Variants in CDH4 observed in about 807,000 individuals in gnomAD.
CDH4 encodes the protein cadherin 4.
CDH4 carries 33 observed loss-of-function variants against 86.0 expected under a neutral mutation model. The ratio of observed to expected loss-of-function variants is 0.38; its 90% CI spans 0.29 to 0.51. The LOEUF (loss-of-function observed/expected upper bound fraction) is 0.51, where lower values mean the gene tolerates loss of function less well. CDH4 is among the 20% of genes least tolerant of loss of function. The pLI, the probability that CDH4 is intolerant of heterozygous loss-of-function variation, is 0.86. For missense variants in CDH4, 1,114 were observed against 1,307.4 expected (o/e 0.85, Z 2.28); for synonymous variants, 555 against 549.4 (o/e 1.01, Z -0.14).
chr20:61,460,767 G>C (rs1041172061), intron 2 of CDH4, among the ~76,000 whole-genome samples: 2 of 152,218 alleles, frequency 1.3e-5, no homozygotes, highest in Non-Finnish European at 2.9e-5. Flanking sequence ...GTTGAACTTG[G>C]CTTCAGGGTG....
chr20:61,673,952 G>T (rs1286003018), intron 2 of CDH4, among the ~76,000 whole-genome samples: 1 of 152,196 alleles, frequency 6.6e-6, no homozygotes, highest in African/African-American at 2.4e-5. Flanking sequence ...CCCATTGAAA[G>T]ATTACATTTT....
intron 2 of CDH4, among the ~76,000 whole-genome samples, chr20:61,555,413 T>C (rs987706473): frequency 4.6e-5 from 7 of 152,188 alleles, no homozygotes; most frequent in African/African-American, 1.4e-4. Flanking sequence ...CAGGGTAACC[T>C]TTCGCAGGAT....
intron 2 of CDH4, among the ~76,000 whole-genome samples, chr20:61,562,524 G>A (rs1479584094): frequency 6.6e-6 from 1 of 152,190 alleles, no homozygotes; most frequent in Non-Finnish European, 1.5e-5. Context: ...AAACTGGGGG[G>A]ATTGGTCCGA....
At chr20:61,658,184 A>G (rs1318089761) in intron 2 of CDH4, among the ~76,000 whole-genome samples, 1 of 152,014 alleles carries the variant, frequency 6.6e-6, no homozygotes, top group Non-Finnish European at 1.5e-5. Flanking sequence ...AGAGGGTTCA[A>G]ATGCATCTGC....
Position 61,383,412 on chromosome 20 carries a change from A to G in CDH4, c.169+128475A>G, listed in dbSNP as rs1468912890. Among the ~76,000 whole-genome samples, 15 of 103,570 alleles carry G rather than the reference A, an allele frequency of 1.4e-4. 1 individual carries two copies. The allele number at this position is 103,570 out of a possible 152,430, so 67.9% of individuals were successfully genotyped here. On this transcript the variant is annotated intron_variant, in intron 2 of 15. Coordinates refer to ENST00000614565, the MANE Select transcript of CDH4 (RefSeq NM_001794.5). ...GAATATATGATATATATGAATATAT[A>G]TGATATATATGATATATATCATATA...
chr20:61,327,506 C>T (rs1279281258), intron 2 of CDH4, among the ~76,000 whole-genome samples: 1 of 152,174 alleles, frequency 6.6e-6, no homozygotes, highest in Non-Finnish European at 1.5e-5. Context: ...CTCTGATCTC[C>T]TGTTTGACCA....
chr20:61,379,533 G>C (rs1013369584), intron 2 of CDH4, among the ~76,000 whole-genome samples: 39 of 152,192 alleles, frequency 2.6e-4, no homozygotes, highest in African/African-American at 9.2e-4. Flanking sequence ...ATCTTCCCAA[G>C]CCAGCGGCTG....
intron 2 of CDH4, chr20:61,719,809 G>C (rs2088010710): frequency 6.6e-6 from 1 of 152,182 alleles, no homozygotes; most frequent in Non-Finnish European, 1.5e-5. Flanking sequence ...ATAATTCCTG[G>C]CAGTTTCTGT....
chr20:61,259,158 C>G (rs1465101126), intron 2 of CDH4, among the ~76,000 whole-genome samples: 2 of 152,222 alleles, frequency 1.3e-5, no homozygotes, highest in African/African-American at 4.8e-5. Flanking sequence ...CAGTGAATTG[C>G]TGAATGAGTG....
intron 2 of CDH4, among the ~76,000 whole-genome samples, chr20:61,588,014 A>T (rs1198498123): frequency 6.6e-6 from 1 of 152,168 alleles, no homozygotes; most frequent in African/African-American, 2.4e-5. Flanking sequence ...TTTCCGTGGC[A>T]TTTTAAAAAC....
intron 8 of CDH4, among the ~76,000 whole-genome samples, chr20:61,898,431 C>T (rs572034473): frequency 3.9e-4 from 59 of 152,344 alleles, no homozygotes; most frequent in Middle Eastern, 6.8e-3. Context: ...GGGTCTGCTG[C>T]GCTAGAAGCT....
intron 2 of CDH4, among the ~76,000 whole-genome samples, chr20:61,398,146 G>GT (rs1555845877): frequency 6.6e-6 from 1 of 152,164 alleles, no homozygotes; most frequent in East Asian, 1.9e-4. Context: ...GCATTCAAGC[G>GT]TATCAGTCTT....
At chr20:61,469,546 T>C (rs6142742) in intron 2 of CDH4, among the ~76,000 whole-genome samples, 65,843 of 152,048 alleles carry the variant, frequency 0.43, 14,541 homozygotes, top group Admixed American at 0.52. Flanking sequence ...CTTTGCTGTG[T>C]GGAAGCTTTT....
chr20:61,858,927 C>T (rs921324385), intron 6 of CDH4, among the ~76,000 whole-genome samples: 1 of 152,080 alleles, frequency 6.6e-6, no homozygotes. Flanking sequence ...AATGAATGCC[C>T]GAGAATGCAA....
intron 2 of CDH4, among the ~76,000 whole-genome samples, chr20:61,589,856 C>T (rs1452891979): frequency 6.6e-6 from 1 of 151,730 alleles, no homozygotes; most frequent in East Asian, 1.9e-4. Flanking sequence ...CAAGGTTCAG[C>T]CCCAGGGAGC....
intron 4 of CDH4, among the ~76,000 whole-genome samples, chr20:61,821,122 C>A (rs1319785648): frequency 6.6e-6 from 1 of 151,578 alleles, no homozygotes; most frequent in African/African-American, 2.4e-5. Context: ...ACCCAGCCTC[C>A]ACCTCCCAGA....
At chr20:61,704,246 C>G (rs2087806602) in intron 2 of CDH4, among the ~76,000 whole-genome samples, 1 of 152,114 alleles carries the variant, frequency 6.6e-6, no homozygotes, top group Non-Finnish European at 1.5e-5. Flanking sequence ...AAGGCATCAG[C>G]TCACAGGAAA....
chr20:61,797,629 T>TAA lies in CDH4; in HGVS notation c.576+24455_576+24456dup, dbSNP rs35878528. Among the ~76,000 whole-genome samples the TAA allele has an allele frequency of 3.4e-4, 52 of 151,066 alleles. 1 individual carries two copies. In the South Asian group the frequency reaches 9.4e-3, roughly 27 times the overall value. On this transcript the variant is annotated intron_variant, in intron 4 of 15. Coordinates refer to ENST00000614565, the MANE Select transcript of CDH4 (RefSeq NM_001794.5). ...GCAAGATCCCATCTCTACAAAACAA[T>TAA]AAAAAAAAATTGCCAGGCGTGGTGG...
At chr20:61,451,376 A>G (rs1259433704) in intron 2 of CDH4, among the ~76,000 whole-genome samples, 1 of 152,212 alleles carries the variant, frequency 6.6e-6, no homozygotes, top group Non-Finnish European at 1.5e-5. Context: ...AATCTCAGGT[A>G]GGATTGTTGC....
Sources: allele counts gnomAD v4.1 joint callset (sites outside exome capture counted in the v4.1 genomes callset), GRCh38; gene constraint gnomAD v4.1.1; transcripts MANE v1.5; gene names NCBI Gene and HGNC (gene_info 2026-07-23, HGNC 2026-07-21).